The following AP4E1 variants were observed in gnomAD, a reference collection of about 807,000 sequenced individuals.
AP4E1 encodes adaptor related protein complex 4 subunit epsilon 1.
A neutral mutation model predicts 128.2 loss-of-function variants in AP4E1; 56 were observed. The observed-to-expected ratio is 0.44, with a 90% CI of 0.35 to 0.55. The LOEUF (loss-of-function observed/expected upper bound fraction) is 0.55, where lower values mean the gene tolerates loss of function less well. Ranked by LOEUF, AP4E1 falls within the 20% of genes least tolerant of loss-of-function variation. The probability of loss-of-function intolerance (pLI) is 0.00; values close to 1 mark genes in which losing one functional copy is unlikely to be tolerated. For synonymous variants in AP4E1, 484 were observed against 473.1 expected, an observed-to-expected ratio of 1.02 and a Z score of -0.30; for missense variants, 1,324 against 1,307.7, an observed-to-expected ratio of 1.01 and a Z score of -0.19.
At chr15:50,922,775 T>C (rs1175310031) in intron 3 of AP4E1, among the ~76,000 whole-genome samples, 3 of 148,610 alleles carry the variant, frequency 2.0e-5, no homozygotes, top group Non-Finnish European at 4.5e-5. Flanking sequence ...TGCCTTTTTT[T>C]GGGTCTCTTT....
intron 16 of AP4E1, among the ~76,000 whole-genome samples, chr15:50,989,112 A>G (rs1190670370): frequency 6.6e-6 from 1 of 152,216 alleles, no homozygotes; most frequent in Non-Finnish European, 1.5e-5. Context: ...AGGTGAGTTT[A>G]CCAGATAATA....
intron 18 of AP4E1, among the ~76,000 whole-genome samples, chr15:50,998,533 G>A (rs1277193152): frequency 1.3e-5 from 2 of 152,052 alleles, no homozygotes; most frequent in Non-Finnish European, 2.9e-5. Flanking sequence ...AGGAGGCTGA[G>A]GCAGGAGAAT....
At chr15:50,912,526 T>A in intron 2 of AP4E1, among the ~76,000 whole-genome samples, 1 of 152,258 alleles carries the variant, frequency 6.6e-6, no homozygotes, top group East Asian at 1.9e-4. Flanking sequence ...AAGACCTAGT[T>A]GTTTTTAAAG....
At chr15:50,973,996 T>C (rs1261480944) in intron 15 of AP4E1, among the ~76,000 whole-genome samples, 1 of 152,186 alleles carries the variant, frequency 6.6e-6, no homozygotes, top group Non-Finnish European at 1.5e-5. Flanking sequence ...GACAGAATCT[T>C]GCTCTGTCGC....
At chr15:50,912,171 C>A in intron 2 of AP4E1, 22 bp downstream of exon 2, 1 of 1,589,254 alleles carries the variant, frequency 6.3e-7, no homozygotes, top group Non-Finnish European at 8.6e-7. Context: ...TAGTCAGTGC[C>A]AACACATTTG....
intron 14 of AP4E1, among the ~76,000 whole-genome samples, chr15:50,965,092 A>G (rs1317880771): frequency 2.6e-5 from 4 of 152,078 alleles, no homozygotes; most frequent in Admixed American, 2.0e-4. Flanking sequence ...CAAGAGCTGA[A>G]CAGATGCCGG....
intron 1 of AP4E1, among the ~76,000 whole-genome samples, chr15:50,911,257 T>C (rs949797407): frequency 1.3e-5 from 2 of 152,076 alleles, no homozygotes; most frequent in East Asian, 1.9e-4. Flanking sequence ...AGTGACCACA[T>C]TGGTATGTGT....
intron 15 of AP4E1, among the ~76,000 whole-genome samples, chr15:50,980,004 G>C (rs1431424580): frequency 6.6e-6 from 1 of 152,172 alleles, no homozygotes; most frequent in African/African-American, 2.4e-5. Flanking sequence ...GAAAATCTTA[G>C]ATTGCCGTAA....
chr15:50,981,829 T>TG (rs2064645884), intron 15 of AP4E1, among the ~76,000 whole-genome samples: 2 of 152,164 alleles, frequency 1.3e-5, no homozygotes, highest in Non-Finnish European at 1.5e-5. Context: ...CTTACACCTG[T>TG]AATCCCAGCA....
rs1266573371 is a variant in AP4E1 at position 51,005,623 on chromosome 15, T to C, written c.*2961T>C. ...ATAATTGTGGTAAAAGTGTAGTATT[T>C]TATTTTTTCCTTTTATGTCAGCAAT... On this transcript the variant is annotated 3_prime_UTR_variant, in exon 21 of 21. Coordinates refer to ENST00000261842, the MANE Select transcript of AP4E1 (RefSeq NM_007347.5). The C allele has an allele frequency of 6.6e-6, 1 of 152,594 alleles. No homozygotes were observed. Among genetic ancestry groups the C allele is most frequent in the East Asian group, 1.9e-4 (1 of 5,200 alleles). The allele number at this position is 152,594 out of a possible 1,614,324, so 9.5% of individuals were successfully genotyped here.
chr15:50,977,426 GA>G (rs1231752204), intron 15 of AP4E1, among the ~76,000 whole-genome samples: 1 of 152,078 alleles, frequency 6.6e-6, no homozygotes, highest in Non-Finnish European at 1.5e-5. Context: ...TTATAAATGG[GA>G]TTAAACGCTC....
In AP4E1 at chr15:50,908,693, G is replaced by C. The variant is rs890964725; in HGVS notation, c.-86G>C. On this transcript the variant is annotated 5_prime_UTR_variant, in exon 1 of 21. Transcript: ENST00000261842. ...ATTCAAAAAACAGGAAGTGCCTACG[G>C]AGGCCGGGCCGGCAGCGGCGGCCGG... 1.2e-5 allele frequency: 17 copies of C among 1,366,636 alleles called. No individual in the cohort carries two copies. In the African/African-American group the frequency reaches 1.6e-4, roughly 12 times the overall value. The allele number at this position is 1,366,636 out of a possible 1,614,324, so 84.7% of individuals were successfully genotyped here.
chr15:50,917,693 GT>G (rs1432507988), intron 3 of AP4E1, among the ~76,000 whole-genome samples: 1 of 152,196 alleles, frequency 6.6e-6, no homozygotes, highest in Non-Finnish European at 1.5e-5. Context: ...AGATACTGCA[GT>G]TAAACTTACA....
upstream of AP4E1, among the ~76,000 whole-genome samples, chr15:50,908,145 T>G (rs1418289650): frequency 6.6e-6 from 1 of 152,126 alleles, no homozygotes; most frequent in African/African-American, 2.4e-5. Flanking sequence ...GAAGCGACAG[T>G]GGCCGCGAGT....
intron 10 of AP4E1, chr15:50,946,061 A>G (rs1159726078): frequency 2.8e-6 from 2 of 701,794 alleles, no homozygotes; most frequent in Admixed American, 2.7e-5. Context: ...GAACTCTACA[A>G]ATTAAAGTGC....
At chr15:50,952,982 G>C (rs1264244996) in intron 13 of AP4E1, among the ~76,000 whole-genome samples, 1 of 152,104 alleles carries the variant, frequency 6.6e-6, no homozygotes, top group African/African-American at 2.4e-5. Context: ...CCAGCACTTT[G>C]GGAGGTGGGA....
At chr15:50,947,458 T>C (rs527414591) in intron 10 of AP4E1, among the ~76,000 whole-genome samples, 2 of 151,868 alleles carry the variant, frequency 1.3e-5, no homozygotes, top group African/African-American at 4.8e-5. Flanking sequence ...AGTTCTTCCT[T>C]GATGACTGAG....
chr15:50,994,340 A>G (rs1480703905), intron 17 of AP4E1, among the ~76,000 whole-genome samples: 1 of 152,166 alleles, frequency 6.6e-6, no homozygotes, highest in South Asian at 2.1e-4. Context: ...TTGGTGGCTA[A>G]TGAACCCACC....
intron 15 of AP4E1, among the ~76,000 whole-genome samples, chr15:50,973,960 AG>A (rs1436528222): frequency 1.3e-5 from 2 of 152,020 alleles, no homozygotes; most frequent in Admixed American, 6.6e-5. Context: ...TGGAGCATAT[AG>A]TAGTTGTATT....
Sources: gnomAD v4.1 joint callset for allele counts (sites outside exome capture counted in the v4.1 genomes callset) on GRCh38, gnomAD v4.1.1 for gene constraint, MANE v1.5 for transcripts, NCBI Gene and HGNC (gene_info 2026-07-23, HGNC 2026-07-21) for gene names.